The following KCNT2 variants were observed in gnomAD, a reference collection of about 807,000 sequenced individuals.
KCNT2 encodes the protein potassium sodium-activated channel subfamily T member 2.
Under a neutral mutation model 153.8 loss-of-function variants are expected in KCNT2, and 67 were observed. The observed-to-expected ratio is 0.44, with a 90% confidence interval of 0.36 to 0.53. KCNT2 has a LOEUF of 0.53. KCNT2 is among the 20% of genes least tolerant of loss of function. The pLI is 0.00. For synonymous variants in KCNT2, 500 were observed against 458.8 expected (o/e 1.09, Z -1.15); for missense variants, 975 against 1,354.8 (o/e 0.72, Z 4.40).
intron 24 of KCNT2, among the ~76,000 whole-genome samples, chr1:196,281,685 T>C (rs1185476190): frequency 6.6e-6 from 1 of 152,008 alleles, no homozygotes; most frequent in Admixed American, 6.6e-5. Flanking sequence ...AAAAGCATGA[T>C]CACCGTTTTT....
At chr1:196,264,897 C>A (rs922493413) in intron 25 of KCNT2, among the ~76,000 whole-genome samples, 2 of 152,130 alleles carry the variant, frequency 1.3e-5, no homozygotes, top group South Asian at 4.1e-4. Context: ...TCTCAAAGTG[C>A]TGGGATTACA....
chr1:196,236,137 C>T (rs967641551), intron 26 of KCNT2, 67 bp from the exon 27 acceptor site: 9 of 853,430 alleles, frequency 1.1e-5, no homozygotes, highest in African/African-American at 1.0e-4. Flanking sequence ...TACTAGTGAA[C>T]AGCTTATATT....
At chr1:196,514,209 C>T (rs1681869499) in intron 1 of KCNT2, among the ~76,000 whole-genome samples, 2 of 152,190 alleles carry the variant, frequency 1.3e-5, no homozygotes, top group South Asian at 4.1e-4. Context: ...ATATTAAGTA[C>T]TCAATACATT....
At chr1:196,286,846 A>G (rs1216351412) in intron 22 of KCNT2, among the ~76,000 whole-genome samples, 2 of 152,152 alleles carry the variant, frequency 1.3e-5, no homozygotes, top group Admixed American at 1.3e-4. Flanking sequence ...CTATTTAACA[A>G]ATGGTAACCT....
intron 14 of KCNT2, among the ~76,000 whole-genome samples, chr1:196,366,978 A>C (rs1322077517): frequency 2.6e-5 from 4 of 152,182 alleles, no homozygotes; most frequent in Non-Finnish European, 5.9e-5. Flanking sequence ...TTGGCAGTTA[A>C]TGAGTCAACC....
At chr1:196,294,451 T>C (rs190278616) in intron 22 of KCNT2, among the ~76,000 whole-genome samples, 1 of 152,122 alleles carries the variant, frequency 6.6e-6, no homozygotes, top group East Asian at 1.9e-4. Flanking sequence ...AATTTTTGTA[T>C]TTTTAGTAGA....
intron 12 of KCNT2, among the ~76,000 whole-genome samples, chr1:196,414,954 C>A (rs1672637664): frequency 6.6e-6 from 1 of 151,848 alleles, no homozygotes; most frequent in Non-Finnish European, 1.5e-5. Context: ...ATATTAAGGG[C>A]AAATGTCAAA....
At chr1:196,275,853 G>A (rs1465161408) in intron 25 of KCNT2, among the ~76,000 whole-genome samples, 1 of 151,972 alleles carries the variant, frequency 6.6e-6, no homozygotes, top group African/African-American at 2.4e-5. Flanking sequence ...AATAATTAAT[G>A]AATGGGTCTG....
intron 27 of KCNT2, among the ~76,000 whole-genome samples, chr1:196,234,324 A>G (rs967663482): frequency 2.0e-5 from 3 of 150,954 alleles, no homozygotes; most frequent in Non-Finnish European, 4.5e-5. Context: ...CCCCATTCTG[A>G]CTTGTTTTGA....
At chr1:196,457,335 A>G (rs182777476) in intron 8 of KCNT2, among the ~76,000 whole-genome samples, 44 of 151,876 alleles carry the variant, frequency 2.9e-4, no homozygotes, top group African/African-American at 1.0e-3. Flanking sequence ...TTTCACAACA[A>G]TTCTATACAA....
chr1:196,290,806 C>T (rs12032592), intron 22 of KCNT2, among the ~76,000 whole-genome samples: 1 of 152,012 alleles, frequency 6.6e-6, no homozygotes, highest in South Asian at 2.1e-4. Flanking sequence ...ATTGAAATAA[C>T]TTACTAACTC....
intron 1 of KCNT2, among the ~76,000 whole-genome samples, chr1:196,591,488 A>G (rs12131846): frequency 6.6e-6 from 1 of 152,214 alleles, no homozygotes; most frequent in South Asian, 2.1e-4. Flanking sequence ...CTCAACACCT[A>G]TATGATGAAA....
intron 1 of KCNT2, among the ~76,000 whole-genome samples, chr1:196,530,108 A>G (rs1225842839): frequency 6.6e-6 from 1 of 151,988 alleles, no homozygotes; most frequent in Non-Finnish European, 1.5e-5. Flanking sequence ...GAAACACAAT[A>G]AATATAAAGT....
At chr1:196,269,382 C>T (rs1236374751) in intron 25 of KCNT2, among the ~76,000 whole-genome samples, 13 of 151,944 alleles carry the variant, frequency 8.6e-5, no homozygotes, top group South Asian at 4.2e-4. Context: ...TGTGCATGTA[C>T]GTGTAAAACC....
intron 1 of KCNT2, among the ~76,000 whole-genome samples, chr1:196,493,415 C>A (rs936000311): frequency 9.3e-5 from 14 of 151,266 alleles, no homozygotes; most frequent in African/African-American, 3.4e-4. Flanking sequence ...AAACAACTGA[C>A]ATTACAAAGC....
At chr1:196,451,017 GATTT>G (rs1676114301) in intron 8 of KCNT2, among the ~76,000 whole-genome samples, 2 of 151,472 alleles carry the variant, frequency 1.3e-5, no homozygotes, top group African/African-American at 4.8e-5. Flanking sequence ...CCTCGCCACA[GATTT>G]ATTTTCTCAT....
At position 196,340,593 on chromosome 1, in the gene KCNT2, T is replaced by A. The variant is rs562250813; in HGVS notation, c.1554-23A>T. 1.2e-4 allele frequency: 174 copies of A among 1,404,798 alleles called. 1 individual carries two copies. The highest frequency in any genetic ancestry group is 1.2e-4 in the Non-Finnish European group (120 of 1,030,078). 87.0% of individuals were successfully genotyped at this position (1,404,798 alleles called of 1,614,324 possible). On this transcript the variant is annotated intron_variant, in intron 15 of 27. Coordinates refer to ENST00000294725, the MANE Select transcript of KCNT2 (RefSeq NM_198503.5). ...AACCTTAATTTAAAAAAAAAGAGAG[T>A]TTGTAAGAAAATTAGTAAATTATTG...
At chr1:196,264,328 T>C (rs1219315951) in intron 25 of KCNT2, among the ~76,000 whole-genome samples, 1 of 152,184 alleles carries the variant, frequency 6.6e-6, no homozygotes, top group Non-Finnish European at 1.5e-5. Flanking sequence ...TATACTAGAA[T>C]TCTGGTGATG....
chr1:196,547,564 TTAAA>T (rs1657274796), intron 1 of KCNT2, among the ~76,000 whole-genome samples: 2 of 152,014 alleles, frequency 1.3e-5, no homozygotes, highest in African/African-American at 4.8e-5. Flanking sequence ...TTCTATCAAC[TTAAA>T]TAATATCTTT....
Sources: allele counts gnomAD v4.1 joint callset (sites outside exome capture counted in the v4.1 genomes callset), GRCh38; gene constraint gnomAD v4.1.1; transcripts MANE v1.5; gene names NCBI Gene and HGNC (gene_info 2026-07-23, HGNC 2026-07-21).